Variants in OSBPL10 observed in about 807,000 individuals in gnomAD.
The protein encoded by OSBPL10 is oxysterol-binding protein-related protein 10.
Under a neutral mutation model 81.7 loss-of-function variants are expected in OSBPL10, and 49 were observed. That is an observed-to-expected ratio of 0.60 (90% CI 0.48 to 0.76). The LOEUF (loss-of-function observed/expected upper bound fraction) is 0.76, where lower values mean the gene tolerates loss of function less well. OSBPL10 is among the 30% of genes least tolerant of loss of function. The pLI is 0.00. For missense variants in OSBPL10, 923 were observed against 987.8 expected (o/e 0.93, Z 0.88); for synonymous variants, 419 against 383.6 (o/e 1.09, Z -1.08).
At chr3:31,780,786 A>C (rs1698672681) in intron 4 of OSBPL10, among the ~76,000 whole-genome samples, 1 of 152,168 alleles carries the variant, frequency 6.6e-6, no homozygotes, top group Non-Finnish European at 1.5e-5. Context: ...GAACAGACCA[A>C]TAACAAGTAG....
chr3:31,878,348 T>C (rs928167482), intron 2 of OSBPL10, among the ~76,000 whole-genome samples: 1 of 152,240 alleles, frequency 6.6e-6, no homozygotes, highest in African/African-American at 2.4e-5. Flanking sequence ...TGACAATTTA[T>C]TAAGCAATAA....
chr3:31,701,181 G>A (rs1425527080), intron 7 of OSBPL10, among the ~76,000 whole-genome samples: 2 of 152,020 alleles, frequency 1.3e-5, no homozygotes, highest in African/African-American at 4.8e-5. Context: ...TCACACTACT[G>A]CCGCTTCCCT....
At chr3:31,665,826 G>C (rs563264835) in intron 10 of OSBPL10, among the ~76,000 whole-genome samples, 2 of 152,244 alleles carry the variant, frequency 1.3e-5, no homozygotes, top group African/African-American at 4.8e-5. Flanking sequence ...GGACAGCTGG[G>C]GTCAGGGGGT....
At chr3:31,743,483 A>G (rs1697422387) in intron 5 of OSBPL10, among the ~76,000 whole-genome samples, 1 of 152,244 alleles carries the variant, frequency 6.6e-6, no homozygotes, top group Non-Finnish European at 1.5e-5. Context: ...ATGAATACTG[A>G]AGTATTCTCA....
chr3:31,666,784 G>C (rs1333142843), intron 10 of OSBPL10, among the ~76,000 whole-genome samples: 2 of 152,120 alleles, frequency 1.3e-5, no homozygotes, highest in African/African-American at 2.4e-5. Context: ...TAATAAAATA[G>C]AACAATTATA....
At chr3:31,753,976 C>T (rs1697801693) in intron 4 of OSBPL10, among the ~76,000 whole-genome samples, 1 of 152,064 alleles carries the variant, frequency 6.6e-6, no homozygotes, top group Non-Finnish European at 1.5e-5. Context: ...CTTTCCAATC[C>T]ACAACCCCCT....
intron 1 of OSBPL10, among the ~76,000 whole-genome samples, chr3:31,901,570 C>G (rs1696242402): frequency 6.6e-6 from 1 of 152,218 alleles, no homozygotes; most frequent in African/African-American, 2.4e-5. Context: ...ACCAGATTCC[C>G]TGTCACTCTG....
chr3:32,058,830 T>G (rs1417211219), intron 1 of OSBPL10, among the ~76,000 whole-genome samples: 1 of 152,176 alleles, frequency 6.6e-6, no homozygotes, highest in Non-Finnish European at 1.5e-5. Flanking sequence ...AGGGACTACA[T>G]GTATGCACCA....
intron 2 of OSBPL10, among the ~76,000 whole-genome samples, chr3:32,032,632 AT>A (rs910036942): frequency 2.6e-5 from 4 of 152,116 alleles, no homozygotes; most frequent in African/African-American, 9.7e-5. Flanking sequence ...GACACTGGAT[AT>A]TTTTTTGTGA....
intron 1 of OSBPL10, among the ~76,000 whole-genome samples, chr3:31,914,808 A>C (rs1218239347): frequency 6.6e-6 from 1 of 152,230 alleles, no homozygotes; most frequent in Non-Finnish European, 1.5e-5. Context: ...TCACATTTCA[A>C]GCACTCAATA....
At chr3:31,733,995 G>C (rs1295033929) in intron 5 of OSBPL10, among the ~76,000 whole-genome samples, 1 of 151,040 alleles carries the variant, frequency 6.6e-6, no homozygotes, top group Non-Finnish European at 1.5e-5. Flanking sequence ...GGGCGACAGA[G>C]CAAGACTCTG....
intron 2 of OSBPL10, chr3:31,989,600 A>T: frequency 3.7e-6 from 6 of 1,614,196 alleles, no homozygotes; most frequent in Non-Finnish European, 5.1e-6. Context: ...ACCAAAGGGA[A>T]AGTTGGTAAT....
chr3:31,800,497 G>C (rs1699352424), intron 4 of OSBPL10, among the ~76,000 whole-genome samples: 1 of 152,204 alleles, frequency 6.6e-6, no homozygotes, highest in Admixed American at 6.5e-5. Flanking sequence ...ATGCTAATAA[G>C]AACGTAAACC....
chr3:31,663,455 C>T, intron 11 of OSBPL10: 1 of 988,586 alleles, frequency 1.0e-6, no homozygotes, highest in South Asian at 4.6e-5. Flanking sequence ...TTCCCAATCC[C>T]TCCACAACTT....
Position 31,965,454 on chromosome 3 carries a change from TATAA to T in OSBPL10, c.281+15441_281+15444del, listed in dbSNP as rs1559534772. Among the ~76,000 whole-genome samples the T allele has an allele frequency of 1.3e-3, 89 of 67,866 alleles. 11 individuals are homozygous for T. The highest frequency in any genetic ancestry group is 0.013 in the African/African-American group (86 of 6,636). The allele number at this position is 67,866 out of a possible 152,430, so 44.5% of individuals were successfully genotyped here. On this transcript the variant is annotated intron_variant, in intron 1 of 11. Transcript: ENST00000396556. Reference sequence around the variant, plus strand: ...AATATATAATATATATTATATAATATATAATTTATATAATATATATTATATATTA... The same window carrying T: ...AATATATAATATATATTATATAATATTTTATATAATATATATTATATATTA...
At chr3:31,838,812 T>C (rs1386707146) in intron 3 of OSBPL10, among the ~76,000 whole-genome samples, 2 of 152,222 alleles carry the variant, frequency 1.3e-5, no homozygotes, top group Non-Finnish European at 2.9e-5. Context: ...CTAAACCACA[T>C]GGAGCTAATA....
At chr3:31,667,330 GAC>G (rs1375595277) in intron 10 of OSBPL10, among the ~76,000 whole-genome samples, 3 of 152,248 alleles carry the variant, frequency 2.0e-5, no homozygotes, top group Non-Finnish European at 4.4e-5. Context: ...TCTCCAGTTA[GAC>G]ACAGAGAAAG....
chr3:31,939,965 C>G (rs111394456), intron 1 of OSBPL10, among the ~76,000 whole-genome samples: 9,718 of 152,208 alleles, frequency 0.064, 637 homozygotes, highest in African/African-American at 0.16. Flanking sequence ...AAGCAATCCT[C>G]CTACCTCGGC....
rs139931453 is a variant in OSBPL10, at chr3:31,850,016, T to C, written c.538-19785A>G. 1.5e-3 allele frequency among the ~76,000 whole-genome samples: 233 copies of C among 152,120 alleles called. 1 individual carries two copies. The highest frequency in any genetic ancestry group is 0.014 in the Middle Eastern group (4 of 294). On this transcript the variant is annotated intron_variant, in intron 3 of 11. Coordinates refer to ENST00000396556, the MANE Select transcript of OSBPL10 (RefSeq NM_017784.5). ...CCCATCTCTACTAAAAATTAACAAA[T>C]TAGCTGGGTGTGGTGGTGCATTCCT...
Sources: allele counts gnomAD v4.1 joint callset (sites outside exome capture counted in the v4.1 genomes callset), GRCh38; gene constraint gnomAD v4.1.1; transcripts MANE v1.5; gene names NCBI Gene and HGNC (gene_info 2026-07-23, HGNC 2026-07-21).